Variants in TBC1D22A observed in about 807,000 individuals in gnomAD.
The protein encoded by TBC1D22A is TBC1 domain family member 22A, also known as putative GTPase activator.
In TBC1D22A, 38 loss-of-function variants were observed where a neutral mutation model predicts 60.2. That is an observed-to-expected ratio of 0.63 (90% CI 0.49 to 0.83). The LOEUF is 0.83. Among genes scored for constraint, TBC1D22A ranks in the 40% least tolerant of loss-of-function variants. The probability of loss-of-function intolerance (pLI) is 0.00; values close to 1 mark genes in which losing one functional copy is unlikely to be tolerated. For synonymous variants in TBC1D22A, 302 were observed against 281.7 expected, an observed-to-expected ratio of 1.07 and a Z score of -0.72; for missense variants, 628 against 701.0, an observed-to-expected ratio of 0.90 and a Z score of 1.18.
At chr22:47,021,820 C>T (rs2062099596) in intron 10 of TBC1D22A, among the ~76,000 whole-genome samples, 1 of 152,234 alleles carries the variant, frequency 6.6e-6, no homozygotes, top group Non-Finnish European at 1.5e-5. Flanking sequence ...TCCCTCCCGC[C>T]CCAGTGCTGG....
intron 4 of TBC1D22A, among the ~76,000 whole-genome samples, chr22:46,829,966 G>A (rs2086239548): frequency 6.6e-6 from 1 of 152,238 alleles, no homozygotes; most frequent in Non-Finnish European, 1.5e-5. Context: ...AGGAGCAGGG[G>A]TACACAGGGA....
intron 9 of TBC1D22A, among the ~76,000 whole-genome samples, chr22:46,978,112 C>T (rs1393649947): frequency 6.6e-6 from 1 of 152,228 alleles, no homozygotes; most frequent in African/African-American, 2.4e-5. Flanking sequence ...GCAGGCTCTC[C>T]TGCCCTGGCG....
intron 8 of TBC1D22A, chr22:46,913,677 A>G (rs1280311300): frequency 1.0e-6 from 1 of 985,338 alleles, no homozygotes; most frequent in Non-Finnish European, 1.2e-6. Context: ...CTCTGTCAGT[A>G]GACTTCAGAG....
intron 11 of TBC1D22A, among the ~76,000 whole-genome samples, chr22:47,101,328 A>G (rs1280725605): frequency 6.6e-6 from 1 of 152,170 alleles, no homozygotes; most frequent in Non-Finnish European, 1.5e-5. Context: ...CAAACCAGAG[A>G]AGAAGCAGGG....
At chr22:47,165,230 G>A (rs1383247170) in intron 12 of TBC1D22A, among the ~76,000 whole-genome samples, 5 of 152,082 alleles carry the variant, frequency 3.3e-5, no homozygotes, top group African/African-American at 9.7e-5. Flanking sequence ...GGAGTGACTC[G>A]TGTTTGCCTG....
intron 10 of TBC1D22A, among the ~76,000 whole-genome samples, chr22:47,012,395 C>T (rs1332911793): frequency 6.6e-6 from 1 of 152,208 alleles, no homozygotes; most frequent in Admixed American, 6.5e-5. Context: ...TGTCCCCGTC[C>T]TGAACCTGCC....
intron 8 of TBC1D22A, among the ~76,000 whole-genome samples, chr22:46,937,120 CCATTTTAGGATGTTTGA>C (rs1482377883): frequency 6.6e-6 from 1 of 152,024 alleles, no homozygotes; most frequent in Non-Finnish European, 1.5e-5. Context: ...AATCTCGTGT[CCATTTTAGGATGTTTGA>C]ACATTTCAAA....
intron 1 of TBC1D22A, among the ~76,000 whole-genome samples, chr22:46,790,376 G>A (rs1015613187): frequency 2.6e-5 from 4 of 152,200 alleles, no homozygotes; most frequent in African/African-American, 9.7e-5. Flanking sequence ...TGCCCAGGAT[G>A]GTCTCCCACC....
chr22:46,904,113 A>G (rs139677970), intron 7 of TBC1D22A, among the ~76,000 whole-genome samples: 384 of 67,542 alleles, frequency 5.7e-3, no homozygotes, highest in African/African-American at 0.016. Flanking sequence ...CTATCTATCT[A>G]TCTATCTATC....
At chr22:46,911,793 C>T (rs2069947101) in intron 7 of TBC1D22A, among the ~76,000 whole-genome samples, 1 of 151,902 alleles carries the variant, frequency 6.6e-6, no homozygotes, top group African/African-American at 2.4e-5. Context: ...GTAGCGCATG[C>T]CTGTAGTCCC....
chr22:47,162,408 G>A (rs1195992846), intron 12 of TBC1D22A, among the ~76,000 whole-genome samples: 3 of 152,104 alleles, frequency 2.0e-5, no homozygotes, highest in Non-Finnish European at 4.4e-5. Flanking sequence ...TTGCCATGGC[G>A]TGTGGTGTGA....
chr22:47,159,326 T>C (rs111164020), intron 12 of TBC1D22A, among the ~76,000 whole-genome samples: 1 of 73,840 alleles, frequency 1.4e-5, no homozygotes, highest in Non-Finnish European at 2.8e-5. Flanking sequence ...TACACACACA[T>C]GTATACACAC....
chr22:46,943,378 T>C (rs1251744462), intron 8 of TBC1D22A, among the ~76,000 whole-genome samples: 1 of 152,234 alleles, frequency 6.6e-6, no homozygotes, highest in Non-Finnish European at 1.5e-5. Flanking sequence ...TCTGCTTTTG[T>C]AAGAACAGAA....
chr22:46,806,838 A>C (rs2085162912), intron 4 of TBC1D22A, among the ~76,000 whole-genome samples: 1 of 152,158 alleles, frequency 6.6e-6, no homozygotes, highest in Non-Finnish European at 1.5e-5. Flanking sequence ...TGGGTAGAAT[A>C]GTGCTGATCT....
chr22:46,917,275 GTT>G (rs1257587767), intron 8 of TBC1D22A, among the ~76,000 whole-genome samples: 2 of 152,226 alleles, frequency 1.3e-5, no homozygotes, highest in Non-Finnish European at 2.9e-5. Context: ...GCATCTTAGA[GTT>G]TGTAACAGCA....
intron 9 of TBC1D22A, among the ~76,000 whole-genome samples, chr22:46,984,874 G>C (rs1417917285): frequency 2.6e-5 from 4 of 152,214 alleles, no homozygotes; most frequent in African/African-American, 7.2e-5. Flanking sequence ...CCTTCAGGTG[G>C]GGCTGGCGTG....
chr22:47,030,735 A>T (rs2062442954), intron 10 of TBC1D22A, among the ~76,000 whole-genome samples: 1 of 152,266 alleles, frequency 6.6e-6, no homozygotes, highest in African/African-American at 2.4e-5. Flanking sequence ...AATTACCTTT[A>T]TCAGTGAAAG....
chr22:46,876,803 C>T (rs2067588263), intron 4 of TBC1D22A, among the ~76,000 whole-genome samples: 2 of 152,234 alleles, frequency 1.3e-5, no homozygotes, highest in African/African-American at 4.8e-5. Context: ...TGACTCCCCA[C>T]CCCCAGGGCT....
rs149300483 is a variant in TBC1D22A, at chr22:46,796,697, C to T, written c.461-747C>T. ...CTGCTTGGATCCCCCTGGGCCTGTC[C>T]GTCTTGGGGGTCAGTGGGGCCATGG... On this transcript the variant is annotated intron_variant, in intron 3 of 12. Coordinates refer to ENST00000337137, the MANE Select transcript of TBC1D22A (RefSeq NM_014346.5). 5.9e-3 allele frequency among the ~76,000 whole-genome samples: 748 copies of T among 127,120 alleles called. 1 individual carries two copies. Among genetic ancestry groups the T allele is most frequent in the Non-Finnish European group, 8.0e-3 (501 of 62,788 alleles). The allele number at this position is 127,120 out of a possible 152,430, so 83.4% of individuals were successfully genotyped here.
Sources: gnomAD v4.1 joint callset for allele counts (sites outside exome capture counted in the v4.1 genomes callset) on GRCh38, gnomAD v4.1.1 for gene constraint, MANE v1.5 for transcripts, NCBI Gene and HGNC (gene_info 2026-07-23, HGNC 2026-07-21) for gene names.